STRN3: variants seen among roughly 807,000 people sequenced by gnomAD.
STRN3 encodes striatin 3.
STRN3 carries 29 observed loss-of-function variants against 95.6 expected under a neutral mutation model. The ratio of observed to expected loss-of-function variants is 0.30; its 90% CI spans 0.23 to 0.41. The LOEUF (loss-of-function observed/expected upper bound fraction) is 0.41. STRN3 is among the 10% of genes least tolerant of loss of function. STRN3 has a pLI of 1.00. For synonymous variants in STRN3, 331 were observed against 357.6 expected (o/e 0.93, Z 0.84); for missense variants, 890 against 972.1 (o/e 0.92, Z 1.12).
chr14:30,919,969 C>T (rs1896839984), intron 8 of STRN3, among the ~76,000 whole-genome samples: 1 of 151,952 alleles, frequency 6.6e-6, no homozygotes, highest in African/African-American at 2.4e-5. Flanking sequence ...TTTGAAAAGA[C>T]AATGCTTTAT....
At chr14:30,955,087 T>C (rs1312552812) in intron 3 of STRN3, among the ~76,000 whole-genome samples, 1 of 152,166 alleles carries the variant, frequency 6.6e-6, no homozygotes, top group Non-Finnish European at 1.5e-5. Context: ...ATACAGTTTC[T>C]TGGCATCAGA....
intron 1 of STRN3, among the ~76,000 whole-genome samples, chr14:31,011,507 G>A (rs1265622294): frequency 6.6e-6 from 1 of 152,150 alleles, no homozygotes; most frequent in East Asian, 1.9e-4. Flanking sequence ...ACAGGGCGTG[G>A]TGGCACACGC....
chr14:30,929,967 A>AAAAAAAAAACAAAAAAAAAAAAC, intron 7 of STRN3, among the ~76,000 whole-genome samples: 1 of 91,212 alleles, frequency 1.1e-5, no homozygotes, highest in African/African-American at 3.8e-5. Flanking sequence ...AAAAAAAAAA[A>AAAAAAAAAACAAAAAAAAAAAAC]AAAAAAAAAA....
intron 13 of STRN3, among the ~76,000 whole-genome samples, chr14:30,910,580 T>C (rs1330620184): frequency 6.6e-6 from 1 of 152,032 alleles, no homozygotes; most frequent in Non-Finnish European, 1.5e-5. Context: ...CTTTCTTTTT[T>C]TTTTTCTTCC....
rs150556075 is a variant in STRN3, at chr14:30,959,478, T to C, written c.283-3236A>G. ...ATCACGTATCTAGAGGGTAAACTGA[T>C]TGAAAAGGTAAAGGTTATACCTGAT... On this transcript the variant is annotated intron_variant, in intron 1 of 17. Coordinates refer to ENST00000357479, the MANE Select transcript of STRN3 (RefSeq NM_001083893.2). Among the ~76,000 whole-genome samples, 32 of 152,278 alleles carry C rather than the reference T, an allele frequency of 2.1e-4. No individual in the cohort carries two copies. The East Asian group carries it at 5.8e-3, about 28-fold the overall frequency.
At chr14:31,002,677 G>T (rs1231565180) in intron 1 of STRN3, among the ~76,000 whole-genome samples, 1 of 150,546 alleles carries the variant, frequency 6.6e-6, no homozygotes, top group East Asian at 1.9e-4. Flanking sequence ...CTGAAACATA[G>T]TAGCTAAAAT....
chr14:30,955,379 C>A (rs1029871720), intron 3 of STRN3, among the ~76,000 whole-genome samples: 1 of 152,062 alleles, frequency 6.6e-6, no homozygotes, highest in Non-Finnish European at 1.5e-5. Flanking sequence ...AAATTACTAC[C>A]ATAAATGCAA....
chr14:30,928,670 C>T (rs1275191023), intron 8 of STRN3, among the ~76,000 whole-genome samples: 1 of 152,198 alleles, frequency 6.6e-6, no homozygotes, highest in Middle Eastern at 3.2e-3. Flanking sequence ...CCTCCCACTT[C>T]TGGTTTCCTT....
intron 13 of STRN3, among the ~76,000 whole-genome samples, chr14:30,909,345 A>G (rs115323439): frequency 0.019 from 2,844 of 152,220 alleles, 82 homozygotes; most frequent in African/African-American, 0.061. Flanking sequence ...TACAAAAAAT[A>G]CAAAAATTAG....
At chr14:30,997,532 C>G (rs60990438) in intron 1 of STRN3, among the ~76,000 whole-genome samples, 1 of 152,118 alleles carries the variant, frequency 6.6e-6, no homozygotes, top group Non-Finnish European at 1.5e-5. Flanking sequence ...CATGGAAACC[C>G]TAATAAAGGC....
rs1179617724 is a variant in STRN3, at chr14:30,895,014, A to G, written c.*397T>C. 4 of 344,038 alleles carry G rather than the reference A, an allele frequency of 1.2e-5. No homozygotes were observed. Among genetic ancestry groups the G allele is most frequent in the Non-Finnish European group, 1.8e-5 (4 of 218,650 alleles). 21.3% of individuals were successfully genotyped at this position (344,038 alleles called of 1,614,324 possible). A position where few individuals can be genotyped will look rare whatever the true frequency, so the allele number is the denominator to read the frequency against. On this transcript the variant is annotated 3_prime_UTR_variant, in exon 18 of 18. Coordinates refer to ENST00000357479, the MANE Select transcript of STRN3 (RefSeq NM_001083893.2). ...CTTGGAGCTCACTTCCCCCAACAAG[A>G]GCACCACATTCCTAACCCCTAAGGC...
At chr14:30,968,010 C>A (rs1441353699) in intron 1 of STRN3, among the ~76,000 whole-genome samples, 2 of 152,188 alleles carry the variant, frequency 1.3e-5, no homozygotes, top group East Asian at 3.9e-4. Flanking sequence ...CTGGTCTCCT[C>A]AAACGTGTGA....
intron 1 of STRN3, among the ~76,000 whole-genome samples, chr14:31,006,977 G>T (rs1882747964): frequency 6.6e-6 from 1 of 152,098 alleles, no homozygotes; most frequent in African/African-American, 2.4e-5. Context: ...AACAGAGTGA[G>T]ACCCTGTCTC....
intron 5 of STRN3, among the ~76,000 whole-genome samples, chr14:30,938,481 T>C (rs1175481960): frequency 6.6e-6 from 1 of 152,212 alleles, no homozygotes; most frequent in African/African-American, 2.4e-5. Flanking sequence ...AATTAAGTAC[T>C]GCTGCTCCTT....
Position 31,020,359 on chromosome 14 carries a change from C to A in STRN3, c.282+5545G>T, listed in dbSNP as rs79619337. ...ACAAAAAATACAAAAATTAGCTGGG[C>A]GTGTTGGTGGGTGCTTGTAATTCCA... is the stretch of plus-strand genomic sequence containing the variant. On this transcript the variant is annotated intron_variant, in intron 1 of 17. Transcript: ENST00000357479. Among the ~76,000 whole-genome samples, 574 of 151,702 alleles carry A rather than the reference C, an allele frequency of 3.8e-3. 2 individuals are homozygous for A. The highest frequency in any genetic ancestry group is 0.013 in the African/African-American group (539 of 41,372).
intron 1 of STRN3, among the ~76,000 whole-genome samples, chr14:31,005,061 C>A (rs1411984963): frequency 6.6e-6 from 1 of 152,036 alleles, no homozygotes; most frequent in Admixed American, 6.5e-5. Flanking sequence ...GCACTGGGCA[C>A]AGTGGCTCAC....
intron 5 of STRN3, among the ~76,000 whole-genome samples, chr14:30,945,993 TATG>T (rs1467409325): frequency 1.3e-5 from 2 of 152,232 alleles, no homozygotes; most frequent in African/African-American, 2.4e-5. Flanking sequence ...GGGTAAATTT[TATG>T]ATATGTAAAT....
intron 1 of STRN3, among the ~76,000 whole-genome samples, chr14:30,970,031 T>C (rs548313895): frequency 1.6e-3 from 240 of 152,324 alleles, no homozygotes; most frequent in African/African-American, 5.1e-3. Context: ...GGGAAAACCC[T>C]ACCAAACCAA....
At chr14:31,009,781 G>T (rs1882885396) in intron 1 of STRN3, among the ~76,000 whole-genome samples, 1 of 151,966 alleles carries the variant, frequency 6.6e-6, no homozygotes, top group Admixed American at 6.6e-5. Context: ...AAGTAATAAA[G>T]CATATTTGAC....
Sources: gnomAD v4.1 joint callset for allele counts (sites outside exome capture counted in the v4.1 genomes callset) on GRCh38, gnomAD v4.1.1 for gene constraint, MANE v1.5 for transcripts, NCBI Gene and HGNC (gene_info 2026-07-23, HGNC 2026-07-21) for gene names.